PTPRD: variants seen among roughly 807,000 people sequenced by gnomAD.
The protein encoded by PTPRD is receptor-type tyrosine-protein phosphatase delta.
Under a neutral mutation model 214.5 loss-of-function variants are expected in PTPRD, and 34 were observed. The observed-to-expected ratio is 0.16, with a 90% confidence interval of 0.12 to 0.21. The LOEUF (loss-of-function observed/expected upper bound fraction) is 0.21. PTPRD is among the 10% of genes least tolerant of loss of function. PTPRD has a pLI of 1.00. For synonymous variants in PTPRD, 1,128 were observed against 845.7 expected, an observed-to-expected ratio of 1.33 and a Z score of -5.79; for missense variants, 2,545 against 2,398.7, an observed-to-expected ratio of 1.06 and a Z score of -1.27.
At chr9:10,465,009 C>T (rs2098983916) in intron 2 of PTPRD, among the ~76,000 whole-genome samples, 1 of 152,092 alleles carries the variant, frequency 6.6e-6, no homozygotes, top group Non-Finnish European at 1.5e-5. Context: ...TATTGCTCAA[C>T]ATTATAGGGA....
intron 3 of PTPRD, among the ~76,000 whole-genome samples, chr9:10,189,799 T>A (rs1338536495): frequency 1.3e-5 from 2 of 152,070 alleles, no homozygotes; most frequent in Non-Finnish European, 2.9e-5. Context: ...AAAAATCATA[T>A]ATAAACCAAG....
At chr9:8,916,988 G>GAAT (rs1479689826) in intron 11 of PTPRD, among the ~76,000 whole-genome samples, 3 of 151,296 alleles carry the variant, frequency 2.0e-5, no homozygotes, top group African/African-American at 7.3e-5. Flanking sequence ...TTCTCTTTAT[G>GAAT]AGGCCTCATG....
chr9:10,231,701 A>G (rs1188025789), intron 3 of PTPRD, among the ~76,000 whole-genome samples: 3 of 151,972 alleles, frequency 2.0e-5, no homozygotes, highest in Non-Finnish European at 4.4e-5. Flanking sequence ...CTAGCCATTT[A>G]CATTTATTAA....
chr9:10,024,350 T>C (rs1318857516), intron 4 of PTPRD, among the ~76,000 whole-genome samples: 1 of 152,178 alleles, frequency 6.6e-6, no homozygotes, highest in Non-Finnish European at 1.5e-5. Context: ...TTGTTGTTTA[T>C]TTTGTTTTAT....
At chr9:9,599,581 T>C (rs13295543) in intron 7 of PTPRD, among the ~76,000 whole-genome samples, 1 of 152,100 alleles carries the variant, frequency 6.6e-6, no homozygotes, top group Non-Finnish European at 1.5e-5. Context: ...TTTGTTTTCA[T>C]ATATTTATCT....
intron 2 of PTPRD, among the ~76,000 whole-genome samples, chr9:10,459,474 A>G (rs559517038): frequency 3.9e-5 from 6 of 152,270 alleles, no homozygotes; most frequent in African/African-American, 1.2e-4. Context: ...AGGAATCACC[A>G]CACCATCTTC....
intron 34 of PTPRD, among the ~76,000 whole-genome samples, chr9:8,449,252 T>G (rs1289567341): frequency 6.8e-6 from 1 of 146,078 alleles, no homozygotes; most frequent in African/African-American, 2.5e-5. Context: ...TTTTCCTCCC[T>G]CCCTCCCTCC....
chr9:8,503,691 T>C (rs2097471182), intron 23 of PTPRD, among the ~76,000 whole-genome samples: 1 of 152,190 alleles, frequency 6.6e-6, no homozygotes, highest in East Asian at 1.9e-4. Flanking sequence ...TATTCCATTG[T>C]TTCTTAATTT....
In PTPRD at chr9:9,632,837, C is replaced by T. The variant is rs535838563; in HGVS notation, c.-286-58056G>A. Among the ~76,000 whole-genome samples the T allele has an allele frequency of 2.1e-3, 321 of 152,086 alleles. 2 individuals are homozygous for T. Among genetic ancestry groups the T allele is most frequent in the African/African-American group, 7.2e-3 (299 of 41,486 alleles). On this transcript the variant is annotated intron_variant, in intron 7 of 45. Transcript: ENST00000381196. ...ACTAAGAATGGTTTGGAAGACTTCC[C>T]AGAGGATGTGATTTTGAGCAAGTGT...
chr9:10,250,569 A>C (rs1291989830), intron 3 of PTPRD, among the ~76,000 whole-genome samples: 2 of 152,150 alleles, frequency 1.3e-5, no homozygotes, highest in Admixed American at 6.5e-5. Context: ...GCTTAATCTC[A>C]GATTTAAAAT....
chr9:9,898,753 C>T (rs2075678092), intron 5 of PTPRD, among the ~76,000 whole-genome samples: 1 of 152,010 alleles, frequency 6.6e-6, no homozygotes, highest in African/African-American at 2.4e-5. Flanking sequence ...GTAATATATT[C>T]CACTTGACTA....
chr9:8,523,551 G>C (rs201616915), intron 18 of PTPRD, 27 bp from the exon 19 acceptor site: 2 of 1,612,012 alleles, frequency 1.2e-6, no homozygotes, highest in Admixed American at 3.3e-5. Flanking sequence ...GTTTGATGCA[G>C]AACACAATGA....
chr9:9,603,917 T>C (rs543003193), intron 7 of PTPRD, among the ~76,000 whole-genome samples: 10 of 152,218 alleles, frequency 6.6e-5, no homozygotes, highest in African/African-American at 2.4e-4. Context: ...TGTGTGTCAC[T>C]TTTGGTGTAC....
intron 11 of PTPRD, among the ~76,000 whole-genome samples, chr9:8,907,446 A>G (rs1181843662): frequency 2.1e-5 from 3 of 145,886 alleles, no homozygotes; most frequent in South Asian, 2.3e-4. Flanking sequence ...TGAACCTGGG[A>G]GGCGGAGGTT....
rs147861454 is a variant in PTPRD, at chr9:8,633,962, T to G, written c.211-504A>C. Among the ~76,000 whole-genome samples, 17 of 152,164 alleles carry G rather than the reference T, an allele frequency of 1.1e-4. No individual in the cohort carries two copies. In the East Asian group the frequency reaches 2.3e-3, roughly 21 times the overall value. On this transcript the variant is annotated intron_variant, in intron 13 of 45. Transcript: ENST00000381196. ...AGGCAAACCACGAAAAGAAATTGCA[T>G]AAATCTAGTACTTAGGCAGCCAACG...
Position 9,938,564 on chromosome 9 carries a change from T to C in PTPRD, c.-425A>G, listed in dbSNP as rs1374105788. 2.0e-5 allele frequency: 3 copies of C among 152,092 alleles called. No homozygotes were observed. The highest frequency in any genetic ancestry group is 7.2e-5 in the African/African-American group (3 of 41,422). The allele number at this position is 152,092 out of a possible 1,614,324, so 9.4% of individuals were successfully genotyped here. On this transcript the variant is annotated 5_prime_UTR_variant, in exon 5 of 46. Coordinates refer to ENST00000381196, the MANE Select transcript of PTPRD (RefSeq NM_002839.4). The stretch of plus-strand genomic sequence containing the variant: ...CAACATGCTGTCAGTCAGACACCTC[T>C]AACTGGAATATCACGGGCCAGGAAC...
intron 2 of PTPRD, among the ~76,000 whole-genome samples, chr9:10,366,326 G>A (rs1565572517): frequency 6.6e-6 from 1 of 152,130 alleles, no homozygotes; most frequent in Non-Finnish European, 1.5e-5. Context: ...ACAGAATACG[G>A]AAGGCTCATA....
At chr9:8,361,742 G>A (rs529349853) in intron 39 of PTPRD, among the ~76,000 whole-genome samples, 4 of 152,242 alleles carry the variant, frequency 2.6e-5, no homozygotes, top group Non-Finnish European at 2.9e-5. Context: ...GCGTGCTTGG[G>A]GGTTCATTAT....
intron 11 of PTPRD, among the ~76,000 whole-genome samples, chr9:8,921,587 T>C (rs2098828312): frequency 6.6e-6 from 1 of 152,024 alleles, no homozygotes; most frequent in African/African-American, 2.4e-5. Context: ...TCTGCCTCCC[T>C]GGTTAAAGTG....
Sources: allele counts gnomAD v4.1 joint callset (sites outside exome capture counted in the v4.1 genomes callset), GRCh38; gene constraint gnomAD v4.1.1; transcripts MANE v1.5; gene names NCBI Gene and HGNC (gene_info 2026-07-23, HGNC 2026-07-21).